Variants in GRM5 observed in about 807,000 individuals in gnomAD.
GRM5 encodes glutamate metabotropic receptor 5.
GRM5 carries 19 observed loss-of-function variants against 83.1 expected under a neutral mutation model. That is an observed-to-expected ratio of 0.23 (90% CI 0.16 to 0.34). GRM5 has a LOEUF of 0.34. Among genes scored for constraint, GRM5 ranks in the 10% least tolerant of loss-of-function variants. GRM5 has a pLI of 1.00. For synonymous variants in GRM5, 675 were observed against 633.6 expected (o/e 1.07, Z -0.98); for missense variants, 1,160 against 1,588.3 (o/e 0.73, Z 4.58).
In GRM5 at chr11:88,949,381, T is replaced by C. The variant is rs553087523; in HGVS notation, c.661+97831A>G. ...GTCTCTTTCATTACTGTAATTCTTA[T>C]GAAGGCAATACATTGTTCTACTTGA... On this transcript the variant is annotated intron_variant, in intron 2 of 9. Transcript: ENST00000305447. Among the ~76,000 whole-genome samples the C allele has an allele frequency of 2.6e-5, 4 of 152,382 alleles. No homozygotes were observed. The South Asian group carries it at 6.2e-4, about 24-fold the overall frequency.
At chr11:89,048,195 C>G (rs1941683708) in intron 1 of GRM5, 123 bp from the exon 2 acceptor site, 1 of 243,374 alleles carries the variant, frequency 4.1e-6, no homozygotes, top group Middle Eastern at 1.5e-3. Context: ...AAAAAAAATT[C>G]AAAAACGTTT....
chr11:88,738,627 T>A (rs899044694), intron 3 of GRM5, among the ~76,000 whole-genome samples: 1 of 152,088 alleles, frequency 6.6e-6, no homozygotes, highest in African/African-American at 2.4e-5. Flanking sequence ...TTAAATCACA[T>A]AAAGTGGTCA....
intron 2 of GRM5, among the ~76,000 whole-genome samples, chr11:89,039,584 T>A (rs1227781291): frequency 1.3e-5 from 2 of 152,188 alleles, no homozygotes; most frequent in Non-Finnish European, 2.9e-5. Context: ...ACTCTTGTAT[T>A]TTAGTAATTA....
At chr11:88,743,262 G>A (rs1942064979) in intron 3 of GRM5, among the ~76,000 whole-genome samples, 2 of 152,058 alleles carry the variant, frequency 1.3e-5, no homozygotes, top group Admixed American at 6.6e-5. Context: ...AATATCAAGA[G>A]AAAATATCTA....
chr11:88,530,300 G>T (rs755752330), intron 8 of GRM5, among the ~76,000 whole-genome samples: 1 of 151,936 alleles, frequency 6.6e-6, no homozygotes, highest in Non-Finnish European at 1.5e-5. Context: ...ATAAACTATG[G>T]ATTTCTAGAT....
chr11:89,034,548 G>A (rs935136342), intron 2 of GRM5, among the ~76,000 whole-genome samples: 1 of 151,788 alleles, frequency 6.6e-6, no homozygotes, highest in Non-Finnish European at 1.5e-5. Flanking sequence ...TCATGTGCTA[G>A]CAAGTGCTTC....
At chr11:88,969,261 T>C (rs1209679128) in intron 2 of GRM5, among the ~76,000 whole-genome samples, 2 of 152,104 alleles carry the variant, frequency 1.3e-5, no homozygotes, top group Non-Finnish European at 2.9e-5. Context: ...TATGTATATA[T>C]TTACTTGCTG....
intron 2 of GRM5, among the ~76,000 whole-genome samples, chr11:88,918,309 G>A (rs1945630403): frequency 1.3e-5 from 2 of 151,882 alleles, no homozygotes; most frequent in South Asian, 4.1e-4. Flanking sequence ...AATTCCCCTG[G>A]CAAAGAAATA....
At chr11:88,540,008 G>A (rs1378343649) in intron 8 of GRM5, among the ~76,000 whole-genome samples, 2 of 152,180 alleles carry the variant, frequency 1.3e-5, no homozygotes, top group Non-Finnish European at 2.9e-5. Context: ...CTTTTAACAA[G>A]CATCTAGGAT....
In GRM5 at chr11:88,889,908, C is replaced by A. The variant is rs563372691; in HGVS notation, c.662-39753G>T. Among the ~76,000 whole-genome samples the A allele has an allele frequency of 3.3e-5, 5 of 152,268 alleles. No individual in the cohort carries two copies. The South Asian group carries it at 8.3e-4, about 25-fold the overall frequency. The stretch of plus-strand genomic sequence containing the variant: ...CTCATGAAACCCCAGGAATTAAGAG[C>A]AGATAGTGCCCTCTCTAAATTAAAG... On this transcript the variant is annotated intron_variant, in intron 2 of 9. Transcript: ENST00000305447.
chr11:88,731,709 C>CAGAA (rs1465972100), intron 3 of GRM5, among the ~76,000 whole-genome samples: 2 of 151,900 alleles, frequency 1.3e-5, no homozygotes, highest in Non-Finnish European at 2.9e-5. Context: ...CCTATATTTA[C>CAGAA]AGAAATTAAC....
At chr11:88,751,026 A>G in intron 3 of GRM5, among the ~76,000 whole-genome samples, 1 of 149,892 alleles carries the variant, frequency 6.7e-6, no homozygotes, top group East Asian at 2.0e-4. Context: ...GGAAAGAAAC[A>G]GAACTAGAGA....
intron 2 of GRM5, among the ~76,000 whole-genome samples, chr11:89,010,776 G>T (rs10909592): frequency 0.02 from 2,907 of 148,910 alleles, 46 homozygotes; most frequent in Middle Eastern, 0.069. Flanking sequence ...TTATTAGAAC[G>T]TAGGTTTCTT....
chr11:88,568,068 G>A, intron 7 of GRM5, 76 bp from the exon 8 acceptor site: 2 of 876,972 alleles, frequency 2.3e-6, no homozygotes, highest in Non-Finnish European at 3.5e-6. Flanking sequence ...GTTACAAGCA[G>A]CTGTTTATGA....
At chr11:88,956,326 T>C (rs1938611143) in intron 2 of GRM5, among the ~76,000 whole-genome samples, 1 of 152,248 alleles carries the variant, frequency 6.6e-6, no homozygotes, top group Admixed American at 6.5e-5. Context: ...TTTATCATGG[T>C]ACACTGATTC....
At chr11:88,661,426 T>A (rs1939903044) in intron 3 of GRM5, among the ~76,000 whole-genome samples, 1 of 152,166 alleles carries the variant, frequency 6.6e-6, no homozygotes, top group Non-Finnish European at 1.5e-5. Flanking sequence ...GTTATTAAGG[T>A]TAATGAATGT....
chr11:88,602,548 G>A (rs1055394167), intron 5 of GRM5, among the ~76,000 whole-genome samples: 2 of 152,164 alleles, frequency 1.3e-5, no homozygotes, highest in African/African-American at 4.8e-5. Flanking sequence ...AGCTGGGAAT[G>A]CCTTTGATCT....
chr11:88,651,651 CG>C (rs1939635750), intron 4 of GRM5, among the ~76,000 whole-genome samples: 1 of 151,998 alleles, frequency 6.6e-6, no homozygotes, highest in African/African-American at 2.4e-5. Flanking sequence ...AAAGGAAATG[CG>C]TAAGCATTTG....
intron 4 of GRM5, among the ~76,000 whole-genome samples, chr11:88,609,945 G>C (rs1404606999): frequency 6.6e-6 from 1 of 152,116 alleles, no homozygotes; most frequent in East Asian, 1.9e-4. Context: ...TCAATCTTCT[G>C]CATACAGCTA....
Sources: allele counts gnomAD v4.1 joint callset (sites outside exome capture counted in the v4.1 genomes callset), GRCh38; gene constraint gnomAD v4.1.1; transcripts MANE v1.5; gene names NCBI Gene and HGNC (gene_info 2026-07-23, HGNC 2026-07-21).